The following IL4R variants were observed in gnomAD, a reference collection of about 807,000 sequenced individuals.
The protein encoded by IL4R is interleukin 4 receptor.
A neutral mutation model predicts 41.5 loss-of-function variants in IL4R; 17 were observed. That is an observed-to-expected ratio of 0.41 (90% CI 0.28 to 0.61). The LOEUF (loss-of-function observed/expected upper bound fraction) is 0.61, where lower values mean the gene tolerates loss of function less well. Among genes scored for constraint, IL4R ranks in the 20% least tolerant of loss-of-function variants. The pLI is 0.31. For missense variants in IL4R, 974 were observed against 1,043.1 expected (o/e 0.93, Z 0.91); for synonymous variants, 402 against 422.9 (o/e 0.95, Z 0.61).
chr16:27,335,531 G>A (rs988948122), intron 2 of IL4R, among the ~76,000 whole-genome samples: 7 of 151,914 alleles, frequency 4.6e-5, no homozygotes, highest in African/African-American at 7.2e-5. Context: ...CACTGCACCC[G>A]GCCTCCTCCA....
upstream of IL4R, chr16:27,313,972 C>T: frequency 3.0e-6 from 3 of 984,792 alleles, no homozygotes; most frequent in South Asian, 4.7e-5. Context: ...CAGGGGTCCC[C>T]CACTTCCCGC....
chr16:27,331,474 A>T (rs1042438303), intron 2 of IL4R, among the ~76,000 whole-genome samples: 1 of 152,174 alleles, frequency 6.6e-6, no homozygotes, highest in South Asian at 2.1e-4. Flanking sequence ...TATGTAAAAG[A>T]TGTAAAAGAA....
upstream of IL4R, chr16:27,313,814 C>T: frequency 1.5e-6 from 1 of 679,702 alleles, no homozygotes; most frequent in Non-Finnish European, 1.8e-6. Flanking sequence ...GACAGGGGCG[C>T]GAGGTGGCCG....
chr16:27,320,890 GC>G (rs2084795190), intron 1 of IL4R, among the ~76,000 whole-genome samples: 2 of 151,988 alleles, frequency 1.3e-5, no homozygotes, highest in Non-Finnish European at 2.9e-5. Flanking sequence ...CCACAGGTGG[GC>G]AGCTCTAACT....
At position 27,363,462 on chromosome 16, in the gene IL4R, G is replaced by T. The variant is rs758913802; in HGVS notation, c.2110G>T (p.Val704Leu). ...CCAGGAGCAGGCCACAGACCCCCTT[G>T]TGGACAGCCTGGGCAGTGGCATTGT... ...LPQEQATDPL[V>L]DSLGSGIVYS... Residue 704 changes from valine (V) to leucine (L), a missense_variant, in exon 11 of 11, where the codon GTG (valine) becomes TTG (leucine). By Grantham distance (32) the Val-to-Leu change is conservative. Around this residue, in one of 3 missense-constraint regions of IL4R, gnomAD observed 682 missense variants for 704.3 expected, o/e 0.97. Transcript: ENST00000395762. The T allele has an allele frequency of 3.1e-6, 5 of 1,614,126 alleles. No homozygotes were observed. In the African/African-American group the frequency reaches 4.0e-5, roughly 13 times the overall value.
At chr16:27,356,084 C>CTTTTTTTTTT (rs36125482) in intron 8 of IL4R, among the ~76,000 whole-genome samples, 177 bp downstream of exon 8, 8 of 113,732 alleles carry the variant, frequency 7.0e-5, no homozygotes, top group East Asian at 2.5e-4. Context: ...CCACTTTTTT[C>CTTTTTTTTTT]TTTTTTTTTT....
chr16:27,338,922 C>T (rs1202393483), intron 2 of IL4R, among the ~76,000 whole-genome samples: 1 of 152,034 alleles, frequency 6.6e-6, no homozygotes, highest in Non-Finnish European at 1.5e-5. Flanking sequence ...GACGCGATCT[C>T]GACTCACTGC....
chr16:27,349,716 G>T (rs558663749), intron 6 of IL4R, among the ~76,000 whole-genome samples: 1 of 152,266 alleles, frequency 6.6e-6, no homozygotes, highest in South Asian at 2.1e-4. Context: ...ATTGCTCAGG[G>T]TCACACAGCT....
chr16:27,346,364 G>A (rs1180767019), intron 5 of IL4R, 103 bp from the exon 6 acceptor site: 36 of 1,178,452 alleles, frequency 3.1e-5, no homozygotes, highest in Admixed American at 4.0e-5. Flanking sequence ...AGGTTTTGTC[G>A]ACCAAAAATC....
chr16:27,346,369 A>G, intron 5 of IL4R, 98 bp from the exon 6 acceptor site: 4 of 1,297,840 alleles, frequency 3.1e-6, no homozygotes, highest in Non-Finnish European at 4.4e-6. Context: ...TTGTCGACCA[A>G]AAATCTGGGT....
chr16:27,362,633 G>T lies in IL4R; in HGVS notation c.1281G>T (p.Met427Ile), dbSNP rs2086338655. The T allele has an allele frequency of 6.2e-7, 1 of 1,613,980 alleles. No individual in the cohort carries two copies. Among genetic ancestry groups the T allele is most frequent in the Admixed American group, 1.7e-5 (1 of 60,008 alleles). ...EENGGFCQQD[M>I]GESCLLPPSG... ...ATGGGGGCTTTTGCCAGCAGGACAT[G>T]GGGGAGTCATGCCTTCTTCCACCTT... The change falls in exon 11 of 11, where the codon ATG becomes ATT. Residue 427 changes from methionine to isoleucine, a missense_variant. Met to Ile is a conservative substitution (Grantham distance 10). This residue lies in a region of IL4R where 682 missense variants were observed against 704.3 expected (regional missense o/e 0.97). Coordinates refer to ENST00000395762, the MANE Select transcript of IL4R (RefSeq NM_000418.4).
At chr16:27,354,952 G>T (rs1420400545) in intron 7 of IL4R, 4 of 441,860 alleles carry the variant, frequency 9.1e-6, no homozygotes, top group Non-Finnish European at 2.0e-5. Context: ...TCTGCCATTG[G>T]CATGGGGAAG....
At position 27,363,607 on chromosome 16, in the gene IL4R, C is replaced by G. The variant is rs751929900; in HGVS notation, c.2255C>G (p.Ser752Cys). The G allele has an allele frequency of 1.9e-6, 3 of 1,613,982 alleles. No homozygotes were observed. In the East Asian group the frequency reaches 6.7e-5, roughly 36 times the overall value. The change falls in exon 11 of 11, where the codon TCC becomes TGC. Residue 752 changes from serine (S) to cysteine (C), a missense_variant. Physicochemically the swap from Ser to Cys is moderately radical, Grantham distance 112. This residue lies in a region of IL4R where 682 missense variants were observed against 704.3 expected (regional missense o/e 0.97). Transcript: ENST00000395762. ...TGTGGCTGCTGCTGTGGAGACAGGT[C>G]CTCGCCCCCTACAACCCCCCTGAGG... The part of the protein sequence containing the change: ...PCCGCCCGDR[S>C]SPPTTPLRAP...
chr16:27,360,314 T>C (rs2086237848), intron 9 of IL4R, among the ~76,000 whole-genome samples: 1 of 152,238 alleles, frequency 6.6e-6, no homozygotes. Context: ...GCACCCAGCC[T>C]AGTTGGCTGA....
intron 3 of IL4R, chr16:27,341,417 A>T: frequency 1.9e-6 from 1 of 539,354 alleles, no homozygotes; most frequent in East Asian, 3.0e-5. Flanking sequence ...GTAAGCCCTT[A>T]TGCAAGTTGT....
chr16:27,358,868 C>A, intron 8 of IL4R, 48 bp from the exon 9 acceptor site: 2 of 1,412,470 alleles, frequency 1.4e-6, no homozygotes, highest in South Asian at 1.2e-5. Context: ...GAGGAGCGTT[C>A]ACCTGTCAAT....
upstream of IL4R, chr16:27,313,853 C>T: frequency 1.1e-6 from 1 of 905,328 alleles, no homozygotes; most frequent in Non-Finnish European, 1.3e-6. Context: ...CCGGGCGGGG[C>T]GGCGCATGCA....
intron 3 of IL4R, chr16:27,341,131 G>A: frequency 1.4e-6 from 1 of 691,746 alleles, no homozygotes; most frequent in African/African-American, 1.8e-5. Flanking sequence ...CTGGAGGGAG[G>A]TCTGGAGTGG....
At chr16:27,348,811 C>T (rs967556008) in intron 6 of IL4R, among the ~76,000 whole-genome samples, 2 of 152,142 alleles carry the variant, frequency 1.3e-5, no homozygotes, top group African/African-American at 4.8e-5. Flanking sequence ...ACCAGATGAA[C>T]TGAAAATAAG....
Sources: allele counts gnomAD v4.1 joint callset (sites outside exome capture counted in the v4.1 genomes callset), GRCh38; gene constraint gnomAD v4.1.1; regional missense constraint gnomAD v4.1.1; transcripts MANE v1.5; gene names NCBI Gene and HGNC (gene_info 2026-07-23, HGNC 2026-07-21).